CDH7: variants seen among roughly 807,000 people sequenced by gnomAD.
CDH7 encodes the protein cadherin 7, also known as cadherin-7.
Under a neutral mutation model 71.8 loss-of-function variants are expected in CDH7, and 25 were observed. That is an observed-to-expected ratio of 0.35 (90% CI 0.25 to 0.49). The LOEUF (loss-of-function observed/expected upper bound fraction) is 0.49. Ranked by LOEUF, CDH7 falls within the 20% of genes least tolerant of loss-of-function variation. The pLI, the probability that CDH7 is intolerant of heterozygous loss-of-function variation, is 0.99. For missense variants in CDH7, 862 were observed against 974.6 expected (o/e 0.88, Z 1.54); for synonymous variants, 381 against 363.8 (o/e 1.05, Z -0.54).
chr18:65,796,613 C>G (rs909338327), intron 2 of CDH7, among the ~76,000 whole-genome samples: 12 of 152,092 alleles, frequency 7.9e-5, no homozygotes, highest in Non-Finnish European at 1.5e-4. Flanking sequence ...TTGGTTCAAC[C>G]TGTTTTGTAG....
intron 2 of CDH7, among the ~76,000 whole-genome samples, chr18:65,802,685 A>T (rs1207481283): frequency 1.3e-5 from 2 of 152,164 alleles, no homozygotes; most frequent in Non-Finnish European, 2.9e-5. Context: ...CTAAGCGAGG[A>T]TGAAGCCTCA....
chr18:65,873,943 G>A (rs1423709075), intron 11 of CDH7, among the ~76,000 whole-genome samples: 1 of 151,554 alleles, frequency 6.6e-6, no homozygotes, highest in Non-Finnish European at 1.5e-5. Flanking sequence ...CAAATTGTTG[G>A]GCTTGTTGAT....
chr18:65,884,432 T>G lies in CDH7; in HGVS notation c.*3538T>G, dbSNP rs979699033. The G allele has an allele frequency of 6.6e-6, 1 of 152,148 alleles. No individual in the cohort carries two copies. Among genetic ancestry groups the G allele is most frequent in the African/African-American group, 2.4e-5 (1 of 41,434 alleles). The allele number at this position is 152,148 out of a possible 1,614,324, so 9.4% of individuals were successfully genotyped here. A position where few individuals can be genotyped will look rare whatever the true frequency, so the allele number is the denominator to read the frequency against. On this transcript the variant is annotated 3_prime_UTR_variant, in exon 12 of 12. Coordinates refer to ENST00000397968, the MANE Select transcript of CDH7 (RefSeq NM_004361.5). ...CTCTGCTGATGACTACAATTGAGGT[T>G]AGTTGTCTACAAGATACATGCAGGA...
At chr18:65,768,782 C>T (rs1916456154) in intron 2 of CDH7, among the ~76,000 whole-genome samples, 1 of 152,052 alleles carries the variant, frequency 6.6e-6, no homozygotes, top group Non-Finnish European at 1.5e-5. Context: ...AAATTGGGTC[C>T]TCATCGTTTT....
chr18:65,769,446 A>G (rs1337478242), intron 2 of CDH7, among the ~76,000 whole-genome samples: 1 of 152,220 alleles, frequency 6.6e-6, no homozygotes, highest in Non-Finnish European at 1.5e-5. Context: ...ACTAATTTCA[A>G]ACTTATAAAT....
chr18:65,797,143 A>C (rs750196108), intron 2 of CDH7, among the ~76,000 whole-genome samples: 25 of 152,128 alleles, frequency 1.6e-4, no homozygotes, highest in Admixed American at 2.0e-4. Flanking sequence ...AAAAACAAAA[A>C]CAACAACAGC....
At chr18:65,781,894 T>TTCTCTCTTTCTCTCTCTC (rs1218025063) in intron 2 of CDH7, among the ~76,000 whole-genome samples, 1 of 59,408 alleles carries the variant, frequency 1.7e-5, no homozygotes, top group African/African-American at 1.0e-4. Context: ...CTCTCTCTCT[T>TTCTCTCTTTCTCTCTCTC]TCTCTCTATC....
intron 2 of CDH7, among the ~76,000 whole-genome samples, chr18:65,771,691 AC>A (rs1454104670): frequency 6.6e-6 from 1 of 151,696 alleles, no homozygotes; most frequent in East Asian, 1.9e-4. Context: ...AAAAAAAAAA[AC>A]AGTATTAGAA....
At chr18:65,810,183 T>C (rs1911483685) in intron 3 of CDH7, among the ~76,000 whole-genome samples, 185 bp downstream of exon 3, 1 of 152,354 alleles carries the variant, frequency 6.6e-6, no homozygotes, top group South Asian at 2.1e-4. Flanking sequence ...ACTTAACTTA[T>C]TAATTTATTT....
chr18:65,868,960 A>T (rs17075336), intron 11 of CDH7, among the ~76,000 whole-genome samples: 1 of 152,096 alleles, frequency 6.6e-6, no homozygotes, highest in African/African-American at 2.4e-5. Flanking sequence ...AGGTCTACCA[A>T]TGTATGTTCC....
chr18:65,785,629 A>G (rs894295167), intron 2 of CDH7, among the ~76,000 whole-genome samples: 26 of 152,226 alleles, frequency 1.7e-4, no homozygotes, highest in African/African-American at 5.8e-4. Context: ...TGACAAAACA[A>G]TGAAAAAATA....
At chr18:65,810,087 A>T in intron 3 of CDH7, 89 bp downstream of exon 3, 4 of 1,148,874 alleles carry the variant, frequency 3.5e-6, no homozygotes, top group Non-Finnish European at 5.0e-6. Context: ...TACTGAAAAA[A>T]AAAAAAACCT....
At chr18:65,867,678 C>T (rs997400517) in intron 11 of CDH7, among the ~76,000 whole-genome samples, 2 of 152,148 alleles carry the variant, frequency 1.3e-5, no homozygotes, top group African/African-American at 4.8e-5. Flanking sequence ...ATAAGGCTGC[C>T]ACTGAATTTA....
intron 1 of CDH7, among the ~76,000 whole-genome samples, chr18:65,758,089 G>T (rs1916082772): frequency 6.6e-6 from 1 of 152,126 alleles, no homozygotes; most frequent in African/African-American, 2.4e-5. Context: ...TGTAATAAAA[G>T]TTATTGTGGT....
intron 2 of CDH7, among the ~76,000 whole-genome samples, chr18:65,766,885 T>TAAAAAAAAAAA (rs61611288): frequency 4.5e-5 from 4 of 88,630 alleles, no homozygotes; most frequent in Non-Finnish European, 1.1e-4. Context: ...CTGTCTGACG[T>TAAAAAAAAAAA]AAAAAAAAAA....
chr18:65,770,645 C>T lies in CDH7; in HGVS notation c.210+7593C>T, dbSNP rs145671243. 8.4e-3 allele frequency among the ~76,000 whole-genome samples: 1,283 copies of T among 152,098 alleles called. 12 individuals carry two copies. The highest frequency in any genetic ancestry group is 0.011 in the Non-Finnish European group (755 of 67,992). On this transcript the variant is annotated intron_variant, in intron 2 of 11. Coordinates refer to ENST00000397968, the MANE Select transcript of CDH7 (RefSeq NM_004361.5). ...CCTTGTGAATTAGAAAGGTGATGTTCTTATGTTAGAGTTCAAGTAATATAT... is the reference window on the plus strand; with the variant it reads ...CCTTGTGAATTAGAAAGGTGATGTTTTTATGTTAGAGTTCAAGTAATATAT...
chr18:65,780,491 A>G (rs1003347103), intron 2 of CDH7, among the ~76,000 whole-genome samples: 9 of 137,022 alleles, frequency 6.6e-5, no homozygotes, highest in African/African-American at 2.6e-4. Flanking sequence ...ATAAGGTGTA[A>G]GGAAGGGATC....
In CDH7 at chr18:65,844,024, T is replaced by C. The variant is rs1441769937; in HGVS notation, c.1194T>C (p.Thr398=). ...CCCAGGTTGGGAATATCATTGGCAC[T>C]GTAGCAGCTCATGACCCAGATTCTT... ...EATQVGNIIG[T]VAAHDPDSSN... is the part of the protein sequence containing the mutation. Residue 398 remains threonine, a synonymous_variant, in exon 7 of 12, where the codon ACT becomes ACC. Coordinates refer to ENST00000397968, the MANE Select transcript of CDH7 (RefSeq NM_004361.5). 2 of 1,613,120 alleles carry C rather than the reference T, an allele frequency of 1.2e-6. No individual in the cohort carries two copies. Among genetic ancestry groups the C allele is most frequent in the Non-Finnish European group, 1.7e-6 (2 of 1,179,394 alleles).
chr18:65,830,840 G>C (rs1383844639), intron 6 of CDH7, among the ~76,000 whole-genome samples: 1 of 150,028 alleles, frequency 6.7e-6, no homozygotes, highest in African/African-American at 2.5e-5. Flanking sequence ...GATAGCTCTT[G>C]GCTGTTTATT....
Sources: gnomAD v4.1 joint callset for allele counts (sites outside exome capture counted in the v4.1 genomes callset) on GRCh38, gnomAD v4.1.1 for gene constraint, MANE v1.5 for transcripts, NCBI Gene and HGNC (gene_info 2026-07-23, HGNC 2026-07-21) for gene names.